The following SHROOM3 variants were observed in gnomAD, a reference collection of about 807,000 sequenced individuals.
SHROOM3 encodes the protein shroom family member 3.
In SHROOM3, 47 loss-of-function variants were observed where a neutral mutation model predicts 138.6. The observed-to-expected ratio is 0.34, with a 90% CI of 0.27 to 0.43. The LOEUF (loss-of-function observed/expected upper bound fraction) is 0.43. SHROOM3 is among the 20% of genes least tolerant of loss of function. The pLI, the probability that SHROOM3 is intolerant of heterozygous loss-of-function variation, is 1.00. For synonymous variants in SHROOM3, 1,062 were observed against 1,063.3 expected (o/e 1.00, Z 0.02); for missense variants, 2,491 against 2,596.5 (o/e 0.96, Z 0.88).
chr4:76,488,700 A>G (rs954903344), intron 1 of SHROOM3, among the ~76,000 whole-genome samples: 2 of 152,224 alleles, frequency 1.3e-5, no homozygotes, highest in Admixed American at 6.5e-5. Context: ...CCAGGAGGCC[A>G]TAAAGACTGT....
At chr4:76,616,663 C>T (rs1406256299) in intron 2 of SHROOM3, among the ~76,000 whole-genome samples, 6 of 152,086 alleles carry the variant, frequency 3.9e-5, no homozygotes, top group Non-Finnish European at 7.4e-5. Context: ...TGGTGGCTGT[C>T]GGGGACTGGG....
chr4:76,549,366 C>G (rs2110025360), intron 1 of SHROOM3, among the ~76,000 whole-genome samples: 1 of 151,348 alleles, frequency 6.6e-6, no homozygotes, highest in South Asian at 2.1e-4. Context: ...ATGGCTTCAA[C>G]TTTCTTTCCT....
intron 8 of SHROOM3, 22 bp downstream of exon 8, chr4:76,756,959 C>T: frequency 6.2e-7 from 1 of 1,613,522 alleles, no homozygotes; most frequent in Non-Finnish European, 8.5e-7. Context: ...GTGATGTCCT[C>T]AGAGAGACTT....
chr4:76,552,116 C>CT (rs1360473435), intron 1 of SHROOM3, among the ~76,000 whole-genome samples: 6 of 150,298 alleles, frequency 4.0e-5, no homozygotes, highest in East Asian at 2.2e-4. Flanking sequence ...CCGCCTCGGC[C>CT]CCCCTAAATT....
intron 1 of SHROOM3, among the ~76,000 whole-genome samples, chr4:76,541,292 A>G (rs1189906443): frequency 6.7e-6 from 1 of 148,688 alleles, no homozygotes; most frequent in Non-Finnish European, 1.5e-5. Context: ...ACATGGAATA[A>G]ACGTGCTAAG....
chr4:76,641,310 G>T (rs1187191327), intron 2 of SHROOM3, among the ~76,000 whole-genome samples: 2 of 152,042 alleles, frequency 1.3e-5, no homozygotes, highest in Non-Finnish European at 2.9e-5. Flanking sequence ...TTAGTTTAAG[G>T]ACTCTCCATC....
chr4:76,474,045 A>T (rs1180599166), intron 1 of SHROOM3, among the ~76,000 whole-genome samples: 1 of 152,208 alleles, frequency 6.6e-6, no homozygotes, highest in Admixed American at 6.5e-5. Flanking sequence ...TAGAAAAAAA[A>T]TTTTCATCAA....
At chr4:76,511,966 G>A (rs1327816103) in intron 1 of SHROOM3, among the ~76,000 whole-genome samples, 2 of 152,150 alleles carry the variant, frequency 1.3e-5, no homozygotes, top group Non-Finnish European at 2.9e-5. Context: ...AAGAGGCCAG[G>A]GGCCTAGTTG....
At chr4:76,560,678 C>G (rs1296926241) in intron 2 of SHROOM3, among the ~76,000 whole-genome samples, 1 of 152,106 alleles carries the variant, frequency 6.6e-6, no homozygotes, top group Non-Finnish European at 1.5e-5. Context: ...TGTGTTTTTA[C>G]TTGTAGTTGG....
chr4:76,535,871 G>T (rs898203050), intron 1 of SHROOM3, among the ~76,000 whole-genome samples: 1 of 152,206 alleles, frequency 6.6e-6, no homozygotes, highest in Non-Finnish European at 1.5e-5. Context: ...TCCAGACAGG[G>T]AAAAGCAAAT....
intron 3 of SHROOM3, among the ~76,000 whole-genome samples, chr4:76,729,306 C>T (rs558516820): frequency 6.6e-6 from 1 of 152,238 alleles, no homozygotes; most frequent in Non-Finnish European, 1.5e-5. Context: ...CTCTCCCTCT[C>T]TTGAGAGGGA....
intron 3 of SHROOM3, among the ~76,000 whole-genome samples, chr4:76,720,294 TGAA>T (rs1560601288): frequency 4.0e-5 from 6 of 151,608 alleles, no homozygotes; most frequent in Non-Finnish European, 8.8e-5. Flanking sequence ...AATGGAGTGT[TGAA>T]GGACAATGGC....
At chr4:76,515,395 A>G (rs1732424665) in intron 1 of SHROOM3, among the ~76,000 whole-genome samples, 2 of 151,882 alleles carry the variant, frequency 1.3e-5, no homozygotes, top group African/African-American at 4.8e-5. Context: ...GAAAAAAAAA[A>G]GGAAGGAAGG....
At position 76,573,338 on chromosome 4, in the gene SHROOM3, G is replaced by T. The variant is rs373681135; in HGVS notation, c.323+17575G>T. On this transcript the variant is annotated intron_variant, in intron 2 of 10. Transcript: ENST00000296043. ...ACAATTTAGATGTATAGAAAAAAAT[G>T]TAGGTTCCTTGTCTTCCTTACAAAC... Among the ~76,000 whole-genome samples the T allele has an allele frequency of 3.6e-3, 540 of 149,974 alleles. 2 individuals carry two copies. The highest frequency in any genetic ancestry group is 6.5e-3 in the South Asian group (31 of 4,756).
At chr4:76,604,249 C>T (rs1171981617) in intron 2 of SHROOM3, among the ~76,000 whole-genome samples, 3 of 152,134 alleles carry the variant, frequency 2.0e-5, no homozygotes, top group Non-Finnish European at 4.4e-5. Flanking sequence ...TGTTGTAATA[C>T]TTGGGGGCTA....
At chr4:76,776,097 T>C (rs755484697) in intron 10 of SHROOM3, among the ~76,000 whole-genome samples, 2 of 152,194 alleles carry the variant, frequency 1.3e-5, no homozygotes, top group Admixed American at 1.3e-4. Flanking sequence ...CCACCAGCAA[T>C]GTAAAAGTGT....
At chr4:76,502,169 G>A (rs761417117) in intron 1 of SHROOM3, among the ~76,000 whole-genome samples, 10 of 152,136 alleles carry the variant, frequency 6.6e-5, no homozygotes, top group Non-Finnish European at 1.0e-4. Context: ...CAGAGTCCCC[G>A]CCATCAAGAA....
At chr4:76,662,196 G>A (rs993066968) in intron 2 of SHROOM3, among the ~76,000 whole-genome samples, 1 of 152,172 alleles carries the variant, frequency 6.6e-6, no homozygotes, top group African/African-American at 2.4e-5. Context: ...GGCTCTAGGG[G>A]ATTCTACTTC....
chr4:76,544,605 C>G (rs1381552894), intron 1 of SHROOM3, among the ~76,000 whole-genome samples: 1 of 151,852 alleles, frequency 6.6e-6, no homozygotes, highest in African/African-American at 2.4e-5. Context: ...CCATGTTGGC[C>G]AGTCTGGTGT....
Sources: gnomAD v4.1 joint callset for allele counts (sites outside exome capture counted in the v4.1 genomes callset) on GRCh38, gnomAD v4.1.1 for gene constraint, MANE v1.5 for transcripts, NCBI Gene and HGNC (gene_info 2026-07-23, HGNC 2026-07-21) for gene names.